Variants in WWOX observed in about 807,000 individuals in gnomAD.
WWOX encodes WW domain-containing oxidoreductase.
A neutral mutation model predicts 46.2 loss-of-function variants in WWOX; 69 were observed. That is an observed-to-expected ratio of 1.49 (90% confidence interval 1.23 to 1.82). WWOX has a LOEUF of 1.82. Among genes scored for constraint, WWOX ranks in the 40% most tolerant of loss-of-function variants. The pLI is 0.00. For missense variants in WWOX, 919 were observed against 542.6 expected, an observed-to-expected ratio of 1.69 and a Z score of -6.89; for synonymous variants, 359 against 202.6, an observed-to-expected ratio of 1.77 and a Z score of -6.56.
At chr16:78,140,027 G>A (rs1201561321) in intron 4 of WWOX, among the ~76,000 whole-genome samples, 1 of 152,156 alleles carries the variant, frequency 6.6e-6, no homozygotes, top group Non-Finnish European at 1.5e-5. Context: ...TGCCAAGCAG[G>A]TTCTTGTAGG....
chr16:78,257,430 G>T (rs182166127), intron 5 of WWOX, among the ~76,000 whole-genome samples: 1 of 152,280 alleles, frequency 6.6e-6, no homozygotes, highest in East Asian at 1.9e-4. Context: ...CCCGTGAGGC[G>T]GTGCAGGCTC....
In WWOX at chr16:78,765,970, A is replaced by G. The variant is rs116962525; in HGVS notation, c.1056+333218A>G. ...ATCCCAGTGGCTTGAAAGTATAACA[A>G]AAGTATGACTAGATCCAGGAAATAC... On this transcript the variant is annotated intron_variant, in intron 8 of 8. Coordinates refer to ENST00000566780, the MANE Select transcript of WWOX (RefSeq NM_016373.4). Among the ~76,000 whole-genome samples, 254 of 152,280 alleles carry G rather than the reference A, an allele frequency of 1.7e-3. 4 individuals are homozygous for G. The East Asian group carries it at 0.043, about 26-fold the overall frequency.
chr16:78,401,708 T>C (rs1242895246), intron 6 of WWOX, among the ~76,000 whole-genome samples: 1 of 152,124 alleles, frequency 6.6e-6, no homozygotes, highest in Non-Finnish European at 1.5e-5. Context: ...ATTCCTTTTT[T>C]CTTTTTTTTG....
At chr16:78,103,216 C>G (rs1388981600) in intron 1 of WWOX, among the ~76,000 whole-genome samples, 1 of 150,450 alleles carries the variant, frequency 6.6e-6, no homozygotes, top group African/African-American at 2.4e-5. Flanking sequence ...TGTCTTAAAT[C>G]TCAAGCTGGC....
chr16:78,185,294 G>A (rs917841506), intron 5 of WWOX, among the ~76,000 whole-genome samples: 1 of 152,122 alleles, frequency 6.6e-6, no homozygotes, highest in African/African-American at 2.4e-5. Context: ...ATGCAACATG[G>A]AATCAGAAGA....
intron 8 of WWOX, chr16:78,552,253 C>T (rs2044192301): frequency 2.6e-5 from 4 of 152,212 alleles, no homozygotes; most frequent in Admixed American, 2.6e-4. Flanking sequence ...GGCCGTCTCA[C>T]TCCGTAAACT....
intron 8 of WWOX, among the ~76,000 whole-genome samples, chr16:78,679,214 G>C (rs1323616720): frequency 6.6e-6 from 1 of 152,140 alleles, no homozygotes; most frequent in African/African-American, 2.4e-5. Flanking sequence ...CGAGATCCTA[G>C]AACCCGTTTC....
intron 8 of WWOX, among the ~76,000 whole-genome samples, chr16:78,477,927 T>C (rs898535450): frequency 6.6e-6 from 1 of 152,194 alleles, no homozygotes; most frequent in African/African-American, 2.4e-5. Context: ...GTTATGTTCG[T>C]GCTAAAATGT....
At chr16:78,731,379 A>G (rs377746435) in intron 8 of WWOX, among the ~76,000 whole-genome samples, 8 of 152,154 alleles carry the variant, frequency 5.3e-5, no homozygotes, top group South Asian at 2.1e-4. Context: ...CATGACTTCA[A>G]AGATGCACAC....
intron 8 of WWOX, among the ~76,000 whole-genome samples, chr16:78,800,366 C>T (rs1484201585): frequency 6.6e-6 from 1 of 152,026 alleles, no homozygotes; most frequent in Non-Finnish European, 1.5e-5. Context: ...TTTAAAATTC[C>T]GCTTGGAATA....
chr16:78,314,856 G>T (rs558020046), intron 5 of WWOX, among the ~76,000 whole-genome samples: 1 of 151,886 alleles, frequency 6.6e-6, no homozygotes, highest in Non-Finnish European at 1.5e-5. Context: ...CTGGTGAATG[G>T]TGTCATTTTG....
chr16:79,039,681 C>A (rs561341018), intron 8 of WWOX, among the ~76,000 whole-genome samples: 1 of 152,298 alleles, frequency 6.6e-6, no homozygotes, highest in East Asian at 1.9e-4. Flanking sequence ...TGCCATCTTT[C>A]TTAAGAAAAC....
In WWOX at chr16:79,001,697, C is replaced by A. The variant is rs1013665852; in HGVS notation, c.1057-209911C>A. On this transcript the variant is annotated intron_variant, in intron 8 of 8. Coordinates refer to ENST00000566780, the MANE Select transcript of WWOX (RefSeq NM_016373.4). ...GGGAGAGATTTCAAATTGAGCTAGA[C>A]CTCAGGCATGAAGGGAGGGGAGAGA... 2.0e-5 allele frequency among the ~76,000 whole-genome samples: 3 copies of A among 149,168 alleles called. No homozygotes were observed. The South Asian group carries it at 6.4e-4, about 32-fold the overall frequency.
intron 8 of WWOX, among the ~76,000 whole-genome samples, chr16:78,879,502 C>G (rs1303204918): frequency 1.4e-5 from 2 of 141,014 alleles, no homozygotes; most frequent in South Asian, 4.5e-4. Context: ...AGTCCACTCT[C>G]AAAAAAAAAA....
chr16:78,833,032 A>G (rs1055614570), intron 8 of WWOX, among the ~76,000 whole-genome samples: 2 of 109,474 alleles, frequency 1.8e-5, no homozygotes, highest in Non-Finnish European at 4.4e-5. Context: ...TTTTCTCTCG[A>G]TCTTTTTTTT....
intron 8 of WWOX, among the ~76,000 whole-genome samples, chr16:79,096,016 ATTTTT>A (rs57621801): frequency 6.1e-5 from 5 of 82,014 alleles, no homozygotes; most frequent in African/African-American, 2.7e-4. Flanking sequence ...CACCCGGATA[ATTTTT>A]TTTTTTTTTT....
At chr16:78,921,615 G>A (rs1385888325) in intron 8 of WWOX, among the ~76,000 whole-genome samples, 3 of 152,178 alleles carry the variant, frequency 2.0e-5, no homozygotes, top group Admixed American at 1.3e-4. Context: ...GCTCAGGGAG[G>A]TTACATGGAT....
intron 8 of WWOX, among the ~76,000 whole-genome samples, chr16:78,889,520 A>G (rs2044542179): frequency 6.6e-6 from 1 of 152,100 alleles, no homozygotes; most frequent in Non-Finnish European, 1.5e-5. Flanking sequence ...AATGTATTTT[A>G]GTGCTATACG....
chr16:78,484,963 C>T (rs530407844), intron 8 of WWOX, among the ~76,000 whole-genome samples: 13 of 152,132 alleles, frequency 8.5e-5, no homozygotes, highest in East Asian at 1.9e-4. Context: ...TGGCAAGGCA[C>T]GCTCTGCTCT....
Sources: gnomAD v4.1 joint callset for allele counts (sites outside exome capture counted in the v4.1 genomes callset) on GRCh38, gnomAD v4.1.1 for gene constraint, MANE v1.5 for transcripts, NCBI Gene and HGNC (gene_info 2026-07-23, HGNC 2026-07-21) for gene names.